The following PLPPR5 variants were observed in gnomAD, a reference collection of about 807,000 sequenced individuals.
PLPPR5 encodes the protein phospholipid phosphatase-related protein type 5.
In PLPPR5, 16 loss-of-function variants were observed where a neutral mutation model predicts 33.9. The observed-to-expected ratio is 0.47, with a 90% CI of 0.32 to 0.72. The LOEUF (loss-of-function observed/expected upper bound fraction) is 0.72, where lower values mean the gene tolerates loss of function less well. Among genes scored for constraint, PLPPR5 ranks in the 30% least tolerant of loss-of-function variants. PLPPR5 has a pLI of 0.03. For missense variants in PLPPR5, 301 were observed against 406.7 expected (o/e 0.74, Z 2.23); for synonymous variants, 163 against 150.3 (o/e 1.08, Z -0.62).
At chr1:98,904,801 C>T (rs1047841507) in intron 5 of PLPPR5, among the ~76,000 whole-genome samples, 5 of 151,984 alleles carry the variant, frequency 3.3e-5, no homozygotes, top group Admixed American at 2.0e-4. Context: ...GAGAGGTATC[C>T]GTGAAGAAAG....
At chr1:98,923,976 G>A (rs1167168471) in intron 3 of PLPPR5, among the ~76,000 whole-genome samples, 2 of 152,160 alleles carry the variant, frequency 1.3e-5, no homozygotes, top group African/African-American at 4.8e-5. Flanking sequence ...GGCTTCTTGT[G>A]AGGTTTTCTT....
intron 1 of PLPPR5, among the ~76,000 whole-genome samples, chr1:98,988,746 C>A (rs1652347088): frequency 6.6e-6 from 1 of 152,104 alleles, no homozygotes; most frequent in Non-Finnish European, 1.5e-5. Flanking sequence ...TTGGACATAT[C>A]ATAATAAGAT....
chr1:98,976,319 C>T (rs1260480532), intron 1 of PLPPR5, among the ~76,000 whole-genome samples: 1 of 151,958 alleles, frequency 6.6e-6, no homozygotes, highest in Admixed American at 6.6e-5. Context: ...TTTTCACATC[C>T]TTCTCTATGT....
intron 2 of PLPPR5, among the ~76,000 whole-genome samples, chr1:98,955,075 T>TTAC (rs1399941156): frequency 2.0e-5 from 3 of 152,068 alleles, no homozygotes; most frequent in African/African-American, 7.2e-5. Flanking sequence ...TTACCTAAAG[T>TTAC]GCTTACCTAA....
At position 98,892,596 on chromosome 1, in the gene PLPPR5, A is replaced by G. The variant is rs542668017; in HGVS notation, c.*476T>C. ...TAGAATGGAAATAATGTCATGCTGA[A>G]TAACAAAATAAAAACCCCCATGACT... On this transcript the variant is annotated 3_prime_UTR_variant, in exon 6 of 6. Transcript: ENST00000263177. 7 of 153,290 alleles carry G rather than the reference A, an allele frequency of 4.6e-5. No individual in the cohort carries two copies. Among genetic ancestry groups the G allele is most frequent in the African/African-American group, 1.7e-4 (7 of 41,580 alleles). 9.5% of individuals were successfully genotyped at this position (153,290 alleles called of 1,614,324 possible). A position where few individuals can be genotyped will look rare whatever the true frequency, so the allele number is the denominator to read the frequency against.
At chr1:98,906,083 C>T (rs1648884862) in intron 5 of PLPPR5, among the ~76,000 whole-genome samples, 1 of 151,010 alleles carries the variant, frequency 6.6e-6, no homozygotes, top group Admixed American at 6.6e-5. Flanking sequence ...CTAGGTAATG[C>T]TATATACCTA....
intron 5 of PLPPR5, among the ~76,000 whole-genome samples, chr1:98,903,562 T>C (rs1172722478): frequency 3.3e-5 from 5 of 152,168 alleles, no homozygotes; most frequent in Admixed American, 6.5e-5. Context: ...ATTTGTGCGA[T>C]GTATGAAATA....
Position 98,952,275 on chromosome 1 carries a change from A to AAG in PLPPR5, c.621+794_621+795insCT, listed in dbSNP as rs1474265606. ...GAGACTCCGTCTCAGAAAAAAAAAA[A>AAG]AAAAAAAAAATCTCTGACCTTATTG... On this transcript the variant is annotated intron_variant, in intron 3 of 5. Transcript: ENST00000263177. 5.3e-4 allele frequency among the ~76,000 whole-genome samples: 81 copies of AAG among 152,110 alleles called. 1 individual carries two copies. Among genetic ancestry groups the AAG allele is most frequent in the African/African-American group, 1.9e-3 (80 of 41,510 alleles).
At chr1:98,910,142 C>T (rs564447505) in intron 5 of PLPPR5, among the ~76,000 whole-genome samples, 1 of 152,192 alleles carries the variant, frequency 6.6e-6, no homozygotes, top group Non-Finnish European at 1.5e-5. Context: ...CCTTTGCCTT[C>T]TCCATACAAA....
At chr1:98,941,214 T>G (rs1650354994) in intron 3 of PLPPR5, among the ~76,000 whole-genome samples, 1 of 151,826 alleles carries the variant, frequency 6.6e-6, no homozygotes, top group Non-Finnish European at 1.5e-5. Flanking sequence ...AAGCACTTAA[T>G]GAGAAGAAAA....
chr1:98,937,655 T>C (rs959635434), intron 3 of PLPPR5, among the ~76,000 whole-genome samples: 13 of 152,152 alleles, frequency 8.5e-5, no homozygotes, highest in African/African-American at 3.1e-4. Context: ...TAACTGCATG[T>C]CCTGGCTATC....
At chr1:98,946,861 A>G (rs1650575442) in intron 3 of PLPPR5, among the ~76,000 whole-genome samples, 1 of 152,188 alleles carries the variant, frequency 6.6e-6, no homozygotes, top group Non-Finnish European at 1.5e-5. Context: ...GTAAATGTGA[A>G]TTTTTAGGTG....
At chr1:98,970,567 T>A (rs1463887266) in intron 1 of PLPPR5, among the ~76,000 whole-genome samples, 1 of 151,884 alleles carries the variant, frequency 6.6e-6, no homozygotes, top group Non-Finnish European at 1.5e-5. Context: ...CTTGTCATTT[T>A]AAAAAGTGAC....
intron 1 of PLPPR5, among the ~76,000 whole-genome samples, chr1:98,990,476 T>C (rs1531161): frequency 1.3e-5 from 2 of 152,210 alleles, no homozygotes; most frequent in Non-Finnish European, 2.9e-5. Flanking sequence ...ATGTGCTATG[T>C]ACTATTAAAG....
chr1:98,922,029 C>T lies in PLPPR5; in HGVS notation c.651G>A (p.Lys217=), dbSNP rs965432942. 6.2e-7 allele frequency: 1 copy of T among 1,613,378 alleles called. No individual in the cohort carries two copies. Among genetic ancestry groups the T allele is most frequent in the Non-Finnish European group, 8.5e-7 (1 of 1,179,874 alleles). ...GAACTGGCTTAGCAAGTCTGGTTCC[C>T]TTGGCTTTGATTGTGTTGGTGATGT... is the stretch of plus-strand genomic sequence containing the variant. ...TMYITNTIKA[K]GTRLAKPVLC... is the part of the protein sequence containing the mutation. Residue 217 remains lysine, a synonymous_variant, in exon 4 of 6, where the codon AAG becomes AAA. Transcript: ENST00000263177.
chr1:98,896,138 TA>T (rs1648463077), intron 5 of PLPPR5, among the ~76,000 whole-genome samples: 1 of 152,048 alleles, frequency 6.6e-6, no homozygotes. Context: ...CATATGATGG[TA>T]CATTATACAA....
At chr1:98,946,735 A>T (rs570857240) in intron 3 of PLPPR5, among the ~76,000 whole-genome samples, 48 of 152,232 alleles carry the variant, frequency 3.2e-4, no homozygotes, top group African/African-American at 1.1e-3. Flanking sequence ...AGAGAACTTT[A>T]TTAGACCCCC....
chr1:98,917,300 C>G (rs1395714695), intron 4 of PLPPR5, among the ~76,000 whole-genome samples: 2 of 152,198 alleles, frequency 1.3e-5, no homozygotes, highest in Non-Finnish European at 2.9e-5. Flanking sequence ...CTTATATTTG[C>G]TTCATTTTAT....
chr1:98,942,058 T>C (rs1025761062), intron 3 of PLPPR5, among the ~76,000 whole-genome samples: 3 of 119,872 alleles, frequency 2.5e-5, no homozygotes, highest in Non-Finnish European at 1.8e-5. Context: ...ATATGAGAGA[T>C]AGAGAGAGAG....
Sources: allele counts gnomAD v4.1 joint callset (sites outside exome capture counted in the v4.1 genomes callset), GRCh38; gene constraint gnomAD v4.1.1; transcripts MANE v1.5; gene names NCBI Gene and HGNC (gene_info 2026-07-23, HGNC 2026-07-21).